RNF17: variants seen among roughly 807,000 people sequenced by gnomAD.
The protein encoded by RNF17 is spermatogenesis associated 23.
In RNF17, 31 loss-of-function variants were observed where a neutral mutation model predicts 200.5. That is an observed-to-expected ratio of 0.15 (90% CI 0.12 to 0.21). RNF17 has a LOEUF of 0.21. Ranked by LOEUF, RNF17 falls within the 10% of genes least tolerant of loss-of-function variation. The probability of loss-of-function intolerance (pLI) is 1.00; values close to 1 mark genes in which losing one functional copy is unlikely to be tolerated. For synonymous variants in RNF17, 606 were observed against 637.8 expected (o/e 0.95, Z 0.75); for missense variants, 1,628 against 1,905.1 (o/e 0.85, Z 2.71).
chr13:24,807,026 A>G (rs974398955), intron 15 of RNF17, among the ~76,000 whole-genome samples: 1 of 151,420 alleles, frequency 6.6e-6, no homozygotes, highest in Non-Finnish European at 1.5e-5. Flanking sequence ...TGTGTGCCAC[A>G]TTTTCTTAAT....
chr13:24,799,246 A>G, intron 11 of RNF17, 149 bp from the exon 12 acceptor site: 3 of 619,678 alleles, frequency 4.8e-6, no homozygotes, highest in East Asian at 2.8e-5. Context: ...GCTGTATTAT[A>G]TCTTTCTTAT....
At chr13:24,811,230 A>G (rs868026369) in intron 15 of RNF17, among the ~76,000 whole-genome samples, 465 of 151,526 alleles carry the variant, frequency 3.1e-3, no homozygotes, top group African/African-American at 0.01. Context: ...AATATCCTGC[A>G]GAGTGTTTTC....
chr13:24,766,123 C>G (rs542447116), intron 1 of RNF17, among the ~76,000 whole-genome samples: 3 of 152,046 alleles, frequency 2.0e-5, no homozygotes, highest in African/African-American at 7.2e-5. Flanking sequence ...TCAGCTACTC[C>G]GGAGGCCGAG....
intron 19 of RNF17, 143 bp downstream of exon 19, chr13:24,842,304 A>C: frequency 1.7e-6 from 1 of 590,944 alleles, no homozygotes; most frequent in Non-Finnish European, 2.7e-6. Flanking sequence ...TGGACCAGAA[A>C]AAATAGAAAA....
At chr13:24,752,650 G>C in the RNF17 span, among the ~76,000 whole-genome samples, 13 of 152,188 alleles carry the variant, frequency 8.5e-5, no homozygotes, top group African/African-American at 3.1e-4. Flanking sequence ...ATGGCCCGCC[G>C]AGGCTGCGGC....
At chr13:24,768,251 T>G (rs1880049881) in intron 2 of RNF17, among the ~76,000 whole-genome samples, 1 of 151,924 alleles carries the variant, frequency 6.6e-6, no homozygotes, top group African/African-American at 2.4e-5. Flanking sequence ...GCTTATATAA[T>G]ATTGTTCCTG....
Position 24,778,394 on chromosome 13 carries a change from A to G in RNF17, c.417A>G (p.Ser139=). The change falls in exon 4 of 36, where the codon TCA becomes TCG. Residue 139 remains serine (S), a synonymous_variant. Transcript: ENST00000255324. ...ASTDKTLLNS[S]AVMLDTNTAE... is the part of the protein sequence containing the mutation. ...CAGACAAGACTCTTTTGAACTCATCAGCTGTAATGTTGGTATGAAACATAT... is the reference window on the plus strand; with the variant it reads ...CAGACAAGACTCTTTTGAACTCATCGGCTGTAATGTTGGTATGAAACATAT... The G allele has an allele frequency of 1.2e-6, 2 of 1,609,492 alleles. No individual in the cohort carries two copies. Among genetic ancestry groups the G allele is most frequent in the Non-Finnish European group, 8.5e-7 (1 of 1,175,836 alleles).
the RNF17 span, chr13:24,885,415 A>G: frequency 2.6e-5 from 38 of 1,483,894 alleles, no homozygotes; most frequent in Non-Finnish European, 3.0e-5. Context: ...TCAAGCAGCT[A>G]AAACCTACTC....
chr13:24,796,176 C>T lies in RNF17; in HGVS notation c.1280C>T (p.Pro427Leu). ...ELVFVSHVIDPCHFYIRKYSQ... is the reference protein window; with the variant it reads ...ELVFVSHVIDLCHFYIRKYSQ... Reference sequence around the variant, plus strand: ...GTTTTTGTAAGCCATGTAATAGATCCTTGCCATTTCTACATTCGGAAGTAT... The same window carrying T: ...GTTTTTGTAAGCCATGTAATAGATCTTTGCCATTTCTACATTCGGAAGTAT... Residue 427 changes from proline (P) to leucine (L), a missense_variant, in exon 11 of 36, where the codon CCT becomes CTT. Transcript: ENST00000255324. 1 of 1,612,200 alleles carries T rather than the reference C, an allele frequency of 6.2e-7. No homozygotes were observed. Among genetic ancestry groups the T allele is most frequent in the Non-Finnish European group, 8.5e-7 (1 of 1,178,884 alleles).
At chr13:24,788,459 A>G (rs1032223371) in intron 7 of RNF17, among the ~76,000 whole-genome samples, 3 of 151,776 alleles carry the variant, frequency 2.0e-5, no homozygotes, top group Middle Eastern at 3.2e-3. Context: ...CATTGAGGTG[A>G]AAGTTTAGGT....
intron 6 of RNF17, among the ~76,000 whole-genome samples, chr13:24,784,999 G>A (rs1373024265): frequency 7.9e-5 from 12 of 152,034 alleles, no homozygotes; most frequent in African/African-American, 2.9e-4. Context: ...GAGCCATCAC[G>A]CCTGGCCTGA....
intron 11 of RNF17, among the ~76,000 whole-genome samples, chr13:24,797,151 G>A (rs7318233): frequency 0.98 from 149,630 of 152,316 alleles, 73,536 homozygotes; most frequent in Middle Eastern, 1. Context: ...ACTGAATTCA[G>A]TTTTTGTGGT....
At chr13:24,779,646 G>A (rs2137545866) in intron 4 of RNF17, 21 bp from the exon 5 acceptor site, 1 of 1,570,966 alleles carries the variant, frequency 6.4e-7, no homozygotes, top group African/African-American at 1.3e-5. Flanking sequence ...ATATTTGTAT[G>A]TGATTTCCCT....
intron 6 of RNF17, among the ~76,000 whole-genome samples, chr13:24,783,972 A>G (rs1882771524): frequency 6.6e-6 from 1 of 152,200 alleles, no homozygotes; most frequent in African/African-American, 2.4e-5. Flanking sequence ...AAAAGCTTTC[A>G]GTCTTCACCA....
At chr13:24,792,111 A>G (rs1883940222) in intron 9 of RNF17, among the ~76,000 whole-genome samples, 1 of 152,168 alleles carries the variant, frequency 6.6e-6, no homozygotes. Context: ...CAACCTTTGC[A>G]ATCAATATGT....
intron 10 of RNF17, 51 bp downstream of exon 10, chr13:24,793,397 A>G: frequency 6.7e-7 from 1 of 1,484,948 alleles, no homozygotes; most frequent in Non-Finnish European, 9.0e-7. Context: ...CTGTAATTAG[A>G]CACAGTTGGT....
At chr13:24,779,959 T>A (rs1882124430) in intron 5 of RNF17, among the ~76,000 whole-genome samples, 2 of 152,216 alleles carry the variant, frequency 1.3e-5, no homozygotes, top group Admixed American at 1.3e-4. Flanking sequence ...CCAGCTTTAA[T>A]AAGGAACCAT....
chr13:24,832,992 C>T (rs1183462417), intron 18 of RNF17, among the ~76,000 whole-genome samples: 2 of 152,108 alleles, frequency 1.3e-5, no homozygotes, highest in Non-Finnish European at 2.9e-5. Context: ...GCGATCCTCC[C>T]TCCTCGGCCT....
upstream of RNF17, among the ~76,000 whole-genome samples, chr13:24,763,976 G>A (rs1258290316): frequency 6.6e-6 from 1 of 152,214 alleles, no homozygotes; most frequent in Non-Finnish European, 1.5e-5. Flanking sequence ...TGGGTAGAAC[G>A]TAAAAACGAA....
Sources: allele counts gnomAD v4.1 joint callset (sites outside exome capture counted in the v4.1 genomes callset), GRCh38; gene constraint gnomAD v4.1.1; transcripts MANE v1.5; gene names NCBI Gene and HGNC (gene_info 2026-07-23, HGNC 2026-07-21).